The following NME8 variants were observed in gnomAD, a reference collection of about 807,000 sequenced individuals.
The protein encoded by NME8 is protein NME8.
Under a neutral mutation model 82.3 loss-of-function variants are expected in NME8, and 72 were observed. The ratio of observed to expected loss-of-function variants is 0.87; its 90% CI spans 0.72 to 1.06. NME8 has a LOEUF of 1.06. Among genes scored for constraint, NME8 ranks in the 50% least tolerant of loss-of-function variants. The pLI is 0.00. For missense variants in NME8, 712 were observed against 685.4 expected (o/e 1.04, Z -0.43); for synonymous variants, 267 against 228.5 (o/e 1.17, Z -1.52).
chr7:37,886,800 T>C (rs1390454740), intron 14 of NME8, among the ~76,000 whole-genome samples: 1 of 151,520 alleles, frequency 6.6e-6, no homozygotes, highest in Non-Finnish European at 1.5e-5. Flanking sequence ...GGGCTGAAGG[T>C]ATCTCCAAAT....
At chr7:37,849,511 C>T (rs1029168358) in intron 2 of NME8, among the ~76,000 whole-genome samples, 1 of 152,138 alleles carries the variant, frequency 6.6e-6, no homozygotes, top group Admixed American at 6.5e-5. Context: ...ACATTAGCTT[C>T]TCTCTCCCCA....
At chr7:37,894,809 C>G (rs1273121774) in intron 16 of NME8, among the ~76,000 whole-genome samples, 199 bp downstream of exon 16, 2 of 151,942 alleles carry the variant, frequency 1.3e-5, no homozygotes, top group Non-Finnish European at 2.9e-5. Context: ...CATTCTGTCT[C>G]TCCTCGCTCC....
intron 10 of NME8, among the ~76,000 whole-genome samples, chr7:37,866,644 A>G (rs1489331917): frequency 1.3e-5 from 2 of 152,188 alleles, no homozygotes; most frequent in Non-Finnish European, 2.9e-5. Flanking sequence ...CCACTTAAAA[A>G]TGTAGGAGAC....
At chr7:37,856,996 C>G (rs547633811) in intron 5 of NME8, among the ~76,000 whole-genome samples, 3 of 152,100 alleles carry the variant, frequency 2.0e-5, no homozygotes, top group African/African-American at 7.2e-5. Context: ...TGAACAGGGA[C>G]AGTAAAAGAA....
intron 11 of NME8, among the ~76,000 whole-genome samples, chr7:37,873,075 A>G (rs2722308): frequency 0.56 from 84,800 of 152,124 alleles, 24,809 homozygotes; most frequent in East Asian, 0.69. Context: ...GCTAGAATAA[A>G]AATACAGACA....
chr7:37,857,188 A>G (rs961245558), intron 5 of NME8, 86 bp from the exon 6 acceptor site: 7 of 1,038,120 alleles, frequency 6.7e-6, no homozygotes, highest in African/African-American at 1.6e-5. Flanking sequence ...AAAATTATAT[A>G]TATCTCTGCA....
At chr7:37,870,641 C>A (rs1222364640) in intron 11 of NME8, among the ~76,000 whole-genome samples, 1 of 151,374 alleles carries the variant, frequency 6.6e-6, no homozygotes, top group Non-Finnish European at 1.5e-5. Context: ...ACATTCAAAG[C>A]CTTCCTGGGC....
intron 13 of NME8, 66 bp from the exon 14 acceptor site, chr7:37,885,079 G>A (rs1469085532): frequency 5.5e-6 from 5 of 907,768 alleles, no homozygotes; most frequent in South Asian, 1.4e-5. Context: ...CATTTGTATT[G>A]CCTATACATA....
chr7:37,852,182 A>G (rs1784447389), intron 5 of NME8, among the ~76,000 whole-genome samples: 1 of 151,636 alleles, frequency 6.6e-6, no homozygotes, highest in South Asian at 2.1e-4. Context: ...AAATGTCTTT[A>G]TATAGATGTT....
At chr7:37,876,268 A>G (rs1257580148) in intron 11 of NME8, among the ~76,000 whole-genome samples, 1 of 151,488 alleles carries the variant, frequency 6.6e-6, no homozygotes, top group Non-Finnish European at 1.5e-5. Context: ...ATAATAAATT[A>G]TCTATAATAT....
chr7:37,851,971 T>A (rs1784444031), intron 5 of NME8, among the ~76,000 whole-genome samples: 1 of 152,200 alleles, frequency 6.6e-6, no homozygotes. Flanking sequence ...GCATTTTCCA[T>A]AGGACTTATT....
chr7:37,861,694 G>T (rs947900679), intron 6 of NME8, among the ~76,000 whole-genome samples: 9 of 152,168 alleles, frequency 5.9e-5, no homozygotes, highest in African/African-American at 2.2e-4. Flanking sequence ...TAGGGAGGAT[G>T]TCATTGGGAG....
chr7:37,873,213 G>C (rs968996386), intron 11 of NME8, among the ~76,000 whole-genome samples: 3 of 151,856 alleles, frequency 2.0e-5, no homozygotes, highest in Non-Finnish European at 4.4e-5. Context: ...TGCAAAAATT[G>C]GCCAGGCGTG....
At chr7:37,877,439 A>T (rs1257772311) in intron 12 of NME8, among the ~76,000 whole-genome samples, 1 of 152,216 alleles carries the variant, frequency 6.6e-6, no homozygotes, top group Non-Finnish European at 1.5e-5. Flanking sequence ...AGTTCTTTTT[A>T]ATCTCATCCC....
intron 13 of NME8, among the ~76,000 whole-genome samples, chr7:37,884,890 G>A (rs866297742): frequency 6.6e-6 from 1 of 152,202 alleles, no homozygotes; most frequent in African/African-American, 2.4e-5. Context: ...AAACCAGCAG[G>A]ACCATGGGAA....
intron 14 of NME8, among the ~76,000 whole-genome samples, chr7:37,886,785 G>A (rs1411988338): frequency 6.6e-6 from 1 of 151,882 alleles, no homozygotes; most frequent in Non-Finnish European, 1.5e-5. Flanking sequence ...GAGTCCAAGG[G>A]ACTAGGGCTG....
rs1467594530 is a variant in NME8 at position 37,876,888 on chromosome 7, A to G, written c.875A>G (p.Asp292Gly). Residue 292 changes from aspartate (D) to glycine (G), a missense_variant, in exon 12 of 18, where the codon GAT (aspartate) becomes GGT (glycine). Physicochemically the swap from Asp to Gly is moderately conservative, Grantham distance 94 (BLOSUM62 -1). Transcript: ENST00000199447. ...GCTCAGCTCTGTGACATTGAAGAGG[A>G]TGCAGCTAATGTTGCTAAGTTCATG... ...HLAQLCDIEEDAANVAKFMDA... is the reference protein window; with the variant it reads ...HLAQLCDIEEGAANVAKFMDA... 15 of 1,613,010 alleles carry G rather than the reference A, an allele frequency of 9.3e-6. No homozygotes were observed. The South Asian group carries it at 1.5e-4, about 17-fold the overall frequency.
chr7:37,869,030 G>C (rs1434980553), intron 11 of NME8, among the ~76,000 whole-genome samples: 1 of 152,132 alleles, frequency 6.6e-6, no homozygotes, highest in Non-Finnish European at 1.5e-5. Flanking sequence ...GAGCCTTGAG[G>C]CTTCCTGGGA....
chr7:37,877,366 C>T (rs1264788743), intron 12 of NME8, among the ~76,000 whole-genome samples: 1 of 152,216 alleles, frequency 6.6e-6, no homozygotes. Context: ...TATTTCTTCA[C>T]GTGTAAAATT....
Sources: allele counts gnomAD v4.1 joint callset (sites outside exome capture counted in the v4.1 genomes callset), GRCh38; gene constraint gnomAD v4.1.1; transcripts MANE v1.5; gene names NCBI Gene and HGNC (gene_info 2026-07-23, HGNC 2026-07-21).